GSG1L: variants seen among roughly 807,000 people sequenced by gnomAD.
GSG1L encodes the protein GSG1 like.
In GSG1L, 24 loss-of-function variants were observed where a neutral mutation model predicts 42.1. That is an observed-to-expected ratio of 0.57 (90% CI 0.41 to 0.80). The LOEUF is 0.80. Among genes scored for constraint, GSG1L ranks in the 30% least tolerant of loss-of-function variants. The pLI is 0.00. For synonymous variants in GSG1L, 215 were observed against 203.5 expected (o/e 1.06, Z -0.48); for missense variants, 445 against 472.2 (o/e 0.94, Z 0.53).
At chr16:28,016,349 G>A (rs569277741) in intron 1 of GSG1L, among the ~76,000 whole-genome samples, 1 of 152,286 alleles carries the variant, frequency 6.6e-6, no homozygotes, top group African/African-American at 2.4e-5. Context: ...TGTCCTCCTG[G>A]ACCTACATCT....
chr16:28,023,591 C>G (rs931441685), intron 1 of GSG1L, among the ~76,000 whole-genome samples: 1 of 152,202 alleles, frequency 6.6e-6, no homozygotes, highest in African/African-American at 2.4e-5. Context: ...TTCCCACATC[C>G]CTACATCCTT....
rs930450200 is a variant in GSG1L, at chr16:27,867,177, G to T, written c.550+17309C>A. On this transcript the variant is annotated intron_variant, in intron 3 of 6. Transcript: ENST00000447459. Reference sequence around the variant, plus strand: ...TCCTGCCCTAAGACTCATGCTCTAGGAGGAGGGGCAGGAATAGACGCCCAC... The same window carrying T: ...TCCTGCCCTAAGACTCATGCTCTAGTAGGAGGGGCAGGAATAGACGCCCAC... Among the ~76,000 whole-genome samples the T allele has an allele frequency of 9.0e-4, 137 of 152,166 alleles. 1 individual carries two copies. The highest frequency in any genetic ancestry group is 7.6e-4 in the Non-Finnish European group (52 of 68,022).
At chr16:27,833,554 T>G (rs916443591) in intron 4 of GSG1L, among the ~76,000 whole-genome samples, 4 of 152,210 alleles carry the variant, frequency 2.6e-5, no homozygotes, top group South Asian at 2.1e-4. Flanking sequence ...CTCTATATAC[T>G]GAGTGTTCTG....
At chr16:28,049,523 A>T (rs947922852) in intron 1 of GSG1L, among the ~76,000 whole-genome samples, 3 of 152,012 alleles carry the variant, frequency 2.0e-5, no homozygotes, top group Non-Finnish European at 2.9e-5. Context: ...TCTAAAAAAA[A>T]AAAAAAATTA....
At chr16:27,900,502 T>C (rs1322304785) in intron 2 of GSG1L, among the ~76,000 whole-genome samples, 4 of 152,164 alleles carry the variant, frequency 2.6e-5, no homozygotes, top group African/African-American at 9.7e-5. Context: ...TGATGCCTGC[T>C]TGGGGGGCCT....
intron 3 of GSG1L, among the ~76,000 whole-genome samples, chr16:27,851,714 G>T (rs954912921): frequency 2.6e-5 from 4 of 152,232 alleles, no homozygotes; most frequent in Admixed American, 2.6e-4. Flanking sequence ...AATTTAAAGT[G>T]AGCCCAGGCA....
At chr16:27,946,651 GAAAGAAAAGAAAGAAAGAAA>G (rs2084873569) in intron 2 of GSG1L, among the ~76,000 whole-genome samples, 1 of 32,174 alleles carries the variant, frequency 3.1e-5, no homozygotes, top group African/African-American at 1.1e-4. Flanking sequence ...AAGAAAGAAA[GAAAGAAAAGAAAGAAAGAAA>G]GAAAGAAAGA....
At chr16:27,994,302 G>C (rs1178224967) in intron 1 of GSG1L, among the ~76,000 whole-genome samples, 1 of 151,914 alleles carries the variant, frequency 6.6e-6, no homozygotes, top group African/African-American at 2.4e-5. Flanking sequence ...TCCCTTGGGG[G>C]GGTTCAGAAT....
intron 1 of GSG1L, among the ~76,000 whole-genome samples, chr16:28,001,077 A>T (rs982650503): frequency 2.0e-5 from 3 of 152,114 alleles, no homozygotes; most frequent in Non-Finnish European, 4.4e-5. Flanking sequence ...CGTTCTACTC[A>T]TTAGCAGCTC....
chr16:27,963,155 C>A lies in GSG1L; in HGVS notation c.397+1G>T. On this transcript the variant is annotated splice_donor_variant, in intron 2 of 6. Coordinates refer to ENST00000447459, the MANE Select transcript of GSG1L (RefSeq NM_001109763.2). LOFTEE classifies it high-confidence loss of function. ...CACAGCTCAGCTGGGGTCACACTCA[C>A]CTTTCTCCGATGCCGGGGCCAGGTC... The A allele has an allele frequency of 6.2e-7, 1 of 1,613,424 alleles. No homozygotes were observed. The highest frequency in any genetic ancestry group is 1.1e-5 in the South Asian group (1 of 91,050).
chr16:27,962,963 T>C (rs2085086847), intron 2 of GSG1L, among the ~76,000 whole-genome samples, 193 bp downstream of exon 2: 1 of 152,060 alleles, frequency 6.6e-6, no homozygotes. Flanking sequence ...ACAGTCCCCA[T>C]CCACCAGCCT....
intron 6 of GSG1L, 62 bp downstream of exon 6, chr16:27,807,425 T>A: frequency 7.1e-7 from 1 of 1,406,224 alleles, no homozygotes; most frequent in Non-Finnish European, 1.0e-6. Flanking sequence ...TCTCCAGGGA[T>A]TCTTTCTCCT....
chr16:27,907,291 G>A (rs972733707), intron 2 of GSG1L, among the ~76,000 whole-genome samples: 1 of 152,190 alleles, frequency 6.6e-6, no homozygotes, highest in East Asian at 1.9e-4. Context: ...AGAGCATTGT[G>A]GGAGCGCCTG....
At chr16:27,984,661 AT>A (rs920464333) in intron 1 of GSG1L, among the ~76,000 whole-genome samples, 15 of 151,738 alleles carry the variant, frequency 9.9e-5, no homozygotes, top group Non-Finnish European at 1.5e-4. Flanking sequence ...TGTTTCTGGC[AT>A]TTTTTTTCAG....
Position 27,850,121 on chromosome 16 carries a change from C to T in GSG1L, c.551-5060G>A, listed in dbSNP as rs570837455. 9.2e-4 allele frequency among the ~76,000 whole-genome samples: 132 copies of T among 142,940 alleles called. 8 individuals are homozygous for T. The South Asian group carries it at 0.029, about 31-fold the overall frequency. 93.8% of individuals were successfully genotyped at this position (142,940 alleles called of 152,430 possible). Reference sequence around the variant, plus strand: ...TTGGGTCGCCACAACCTCTGCCTCCCGGGTTCAAGTGATTCTCCTGCCTCA... The same window carrying T: ...TTGGGTCGCCACAACCTCTGCCTCCTGGGTTCAAGTGATTCTCCTGCCTCA... On this transcript the variant is annotated intron_variant, in intron 3 of 6. Transcript: ENST00000447459.
intron 3 of GSG1L, among the ~76,000 whole-genome samples, chr16:27,861,452 G>T (rs1211781523): frequency 2.0e-5 from 3 of 152,088 alleles, no homozygotes; most frequent in Non-Finnish European, 4.4e-5. Flanking sequence ...GATGAATTTG[G>T]CAATGGCTGT....
Position 27,860,666 on chromosome 16 carries a change from A to G in GSG1L, c.551-15605T>C, listed in dbSNP as rs531415027. Among the ~76,000 whole-genome samples the G allele has an allele frequency of 2.2e-4, 34 of 152,314 alleles. 1 individual carries two copies. Among genetic ancestry groups the G allele is most frequent in the Admixed American group, 1.9e-3 (29 of 15,306 alleles). ...CAATATGGAGAATTTCCATCAAGGG[A>G]AAGTGTCCTCTTAGGGGCTTTTAGA... On this transcript the variant is annotated intron_variant, in intron 3 of 6. Transcript: ENST00000447459.
intron 2 of GSG1L, among the ~76,000 whole-genome samples, chr16:27,895,473 T>C (rs2141036877): frequency 6.6e-6 from 1 of 152,298 alleles, no homozygotes; most frequent in East Asian, 1.9e-4. Context: ...TTTAAGACCC[T>C]GTATGGACCC....
chr16:27,953,595 T>C (rs1596642936), intron 2 of GSG1L, among the ~76,000 whole-genome samples: 1 of 152,176 alleles, frequency 6.6e-6, no homozygotes, highest in Non-Finnish European at 1.5e-5. Context: ...ATTTAGGAGA[T>C]AGGCTGGGTG....
Sources: gnomAD v4.1 joint callset for allele counts (sites outside exome capture counted in the v4.1 genomes callset) on GRCh38, gnomAD v4.1.1 for gene constraint, MANE v1.5 for transcripts, NCBI Gene and HGNC (gene_info 2026-07-23, HGNC 2026-07-21) for gene names.